PTPRD: variants seen among roughly 807,000 people sequenced by gnomAD.
PTPRD encodes the protein protein tyrosine phosphatase receptor type D, also known as receptor-type tyrosine-protein phosphatase delta.
Under a neutral mutation model 214.5 loss-of-function variants are expected in PTPRD, and 34 were observed. The ratio of observed to expected loss-of-function variants is 0.16; its 90% confidence interval spans 0.12 to 0.21. The LOEUF is 0.21. Among genes scored for constraint, PTPRD ranks in the 10% least tolerant of loss-of-function variants. The pLI is 1.00. For missense variants in PTPRD, 2,545 were observed against 2,398.7 expected, an observed-to-expected ratio of 1.06 and a Z score of -1.27; for synonymous variants, 1,128 against 845.7, an observed-to-expected ratio of 1.33 and a Z score of -5.79.
At chr9:10,168,914 T>G (rs2099178986) in intron 3 of PTPRD, among the ~76,000 whole-genome samples, 1 of 152,224 alleles carries the variant, frequency 6.6e-6, no homozygotes, top group South Asian at 2.1e-4. Context: ...ATTTAATTCT[T>G]TGTTTGTTTC....
chr9:8,484,872 C>G (rs551347300), intron 29 of PTPRD, among the ~76,000 whole-genome samples: 1 of 152,166 alleles, frequency 6.6e-6, no homozygotes, highest in East Asian at 1.9e-4. Context: ...TACAGGCCAA[C>G]AAACAAATTC....
At chr9:8,924,218 A>T (rs1314599169) in intron 11 of PTPRD, among the ~76,000 whole-genome samples, 1 of 140,234 alleles carries the variant, frequency 7.1e-6, no homozygotes, top group Non-Finnish European at 1.5e-5. Flanking sequence ...AAGGATCAAC[A>T]TTGGCAAAGT....
chr9:8,355,905 A>G (rs1047072595), intron 39 of PTPRD, among the ~76,000 whole-genome samples: 1 of 152,146 alleles, frequency 6.6e-6, no homozygotes, highest in Non-Finnish European at 1.5e-5. Context: ...GCACATTGCT[A>G]ACATTTTTAT....
At chr9:8,966,430 A>G (rs775472623) in intron 11 of PTPRD, among the ~76,000 whole-genome samples, 1 of 151,716 alleles carries the variant, frequency 6.6e-6, no homozygotes, top group Non-Finnish European at 1.5e-5. Flanking sequence ...GAAAAAAAAA[A>G]GCAACAAAAA....
intron 11 of PTPRD, among the ~76,000 whole-genome samples, chr9:8,848,458 C>T (rs2097750310): frequency 6.6e-6 from 1 of 150,728 alleles, no homozygotes; most frequent in Non-Finnish European, 1.5e-5. Context: ...ATCTCAGCTT[C>T]CCAAGTAGCT....
intron 12 of PTPRD, among the ~76,000 whole-genome samples, chr9:8,650,936 G>A (rs1192003472): frequency 6.6e-6 from 1 of 151,200 alleles, no homozygotes; most frequent in Non-Finnish European, 1.5e-5. Context: ...AAAGTATTTG[G>A]CAATGATTTG....
intron 7 of PTPRD, among the ~76,000 whole-genome samples, chr9:9,700,261 A>G (rs1305962185): frequency 6.6e-6 from 1 of 152,122 alleles, no homozygotes; most frequent in African/African-American, 2.4e-5. Context: ...TGAAATTTTA[A>G]TATTCCTCTA....
chr9:9,429,399 G>A (rs1445021606), intron 8 of PTPRD, among the ~76,000 whole-genome samples: 6 of 152,136 alleles, frequency 3.9e-5, no homozygotes, highest in Non-Finnish European at 7.3e-5. Flanking sequence ...TGAAATTGAG[G>A]CAATAATGAA....
chr9:8,716,674 G>C (rs77173047), intron 12 of PTPRD, among the ~76,000 whole-genome samples: 2,288 of 141,462 alleles, frequency 0.016, 53 homozygotes, highest in African/African-American at 0.068. Context: ...AGCTGCACTA[G>C]GAAAATCAAA....
chr9:8,681,346 A>AG, intron 12 of PTPRD, among the ~76,000 whole-genome samples: 1 of 152,202 alleles, frequency 6.6e-6, no homozygotes, highest in Non-Finnish European at 1.5e-5. Context: ...AACTATAGCT[A>AG]GCGAAGAAAA....
At chr9:8,539,981 C>T (rs966541145) in intron 14 of PTPRD, among the ~76,000 whole-genome samples, 1 of 152,008 alleles carries the variant, frequency 6.6e-6, no homozygotes, top group Non-Finnish European at 1.5e-5. Context: ...TTCCTGATTT[C>T]GATAGTCCCA....
At chr9:8,756,216 T>C (rs980040864) in intron 11 of PTPRD, among the ~76,000 whole-genome samples, 1 of 152,188 alleles carries the variant, frequency 6.6e-6, no homozygotes, top group Non-Finnish European at 1.5e-5. Context: ...ATCACTCCCC[T>C]TCTCTGCCTC....
chr9:8,969,755 G>A (rs542710835), intron 11 of PTPRD, among the ~76,000 whole-genome samples: 41 of 151,938 alleles, frequency 2.7e-4, no homozygotes, highest in Middle Eastern at 6.8e-3. Context: ...ATCAGAATGA[G>A]GAGTATGATC....
At chr9:10,087,752 A>G (rs565589281) in intron 3 of PTPRD, among the ~76,000 whole-genome samples, 2 of 151,836 alleles carry the variant, frequency 1.3e-5, no homozygotes, top group East Asian at 3.9e-4. Context: ...TGCAACAATT[A>G]TTATGGGAAG....
chr9:9,973,870 T>A (rs965572289), intron 4 of PTPRD, among the ~76,000 whole-genome samples: 26 of 152,216 alleles, frequency 1.7e-4, no homozygotes, highest in African/African-American at 6.3e-4. Context: ...AGTGCAAATG[T>A]GCTCTAATAG....
At chr9:8,424,659 T>C (rs1167162270) in intron 35 of PTPRD, among the ~76,000 whole-genome samples, 2 of 522 alleles carry the variant, frequency 3.8e-3, no homozygotes, top group Non-Finnish European at 7.8e-3. Context: ...TCTGTTAAAC[T>C]GGCAGAAAAT....
At chr9:8,864,377 A>G (rs2098159585) in intron 11 of PTPRD, among the ~76,000 whole-genome samples, 1 of 152,168 alleles carries the variant, frequency 6.6e-6, no homozygotes, top group African/African-American at 2.4e-5. Context: ...ACTACTCTAG[A>G]GGGTGCTGAA....
intron 10 of PTPRD, among the ~76,000 whole-genome samples, chr9:9,150,222 G>A (rs2099875477): frequency 3.3e-5 from 5 of 151,912 alleles, no homozygotes; most frequent in Admixed American, 3.3e-4. Flanking sequence ...TGATATTAGT[G>A]TTCCAGGGAG....
chr9:8,759,141 C>T (rs1022617984), intron 11 of PTPRD, among the ~76,000 whole-genome samples: 3 of 152,108 alleles, frequency 2.0e-5, no homozygotes, highest in African/African-American at 7.2e-5. Context: ...AGCGATCCTC[C>T]TGCCTCTGCC....
Sources: gnomAD v4.1 joint callset for allele counts (sites outside exome capture counted in the v4.1 genomes callset) on GRCh38, gnomAD v4.1.1 for gene constraint, MANE v1.5 for transcripts, NCBI Gene and HGNC (gene_info 2026-07-23, HGNC 2026-07-21) for gene names.